The following WDR64 variants were observed in gnomAD, a reference collection of about 807,000 sequenced individuals.
WDR64 encodes WD repeat-containing protein 64.
A neutral mutation model predicts 139.3 loss-of-function variants in WDR64; 112 were observed. The ratio of observed to expected loss-of-function variants is 0.80; its 90% CI spans 0.69 to 0.94. The LOEUF is 0.94. WDR64 is among the 40% of genes least tolerant of loss of function. The pLI, the probability that WDR64 is intolerant of heterozygous loss-of-function variation, is 0.00. For missense variants in WDR64, 1,206 were observed against 1,293.1 expected (o/e 0.93, Z 1.03); for synonymous variants, 444 against 437.7 (o/e 1.01, Z -0.18).
intron 9 of WDR64, 125 bp from the exon 10 acceptor site, chr1:241,723,172 A>G: frequency 7.9e-7 from 1 of 1,261,006 alleles, no homozygotes; most frequent in Non-Finnish European, 1.1e-6. Flanking sequence ...AGAATAATGC[A>G]TCCTGCCAGA....
chr1:241,664,752 C>G (rs974461342), intron 2 of WDR64, among the ~76,000 whole-genome samples: 1 of 151,508 alleles, frequency 6.6e-6, no homozygotes, highest in Non-Finnish European at 1.5e-5. Context: ...ACAATAGCCA[C>G]GCAATGTAGA....
rs541446811 is a variant in WDR64 at position 241,703,618 on chromosome 1, G to A, written c.975-8184G>A. The stretch of plus-strand genomic sequence containing the variant: ...CCGGGAAGTGGTTATTGTTAATCAG[G>A]TATTTGTCCCTTAAGGATATTCAAA... On this transcript the variant is annotated intron_variant, in intron 8 of 27. Transcript: ENST00000437684. The surrounding 1 kb of genome is among the most constrained non-coding windows in gnomAD (Gnocchi z 5.9). Among the ~76,000 whole-genome samples, 99 of 152,164 alleles carry A rather than the reference G, an allele frequency of 6.5e-4. 2 individuals carry two copies. The highest frequency in any genetic ancestry group is 2.3e-3 in the African/African-American group (95 of 41,514).
intron 10 of WDR64, among the ~76,000 whole-genome samples, chr1:241,736,463 T>G (rs1056125130): frequency 2.0e-5 from 3 of 148,242 alleles, no homozygotes; most frequent in Non-Finnish European, 4.4e-5. Context: ...AGAGAAGGCC[T>G]TTGAGAGGAA....
intron 1 of WDR64, among the ~76,000 whole-genome samples, chr1:241,655,018 A>G (rs1321873827): frequency 6.6e-6 from 1 of 152,222 alleles, no homozygotes; most frequent in Non-Finnish European, 1.5e-5. Flanking sequence ...TGGATAATGG[A>G]TACTCAAACT....
chr1:241,686,169 A>G (rs1399108617), intron 7 of WDR64, among the ~76,000 whole-genome samples: 2 of 152,184 alleles, frequency 1.3e-5, no homozygotes, highest in Non-Finnish European at 2.9e-5. Context: ...ATTTTCTTAC[A>G]CCAAGAGATC....
At chr1:241,800,132 T>C (rs2148337531) in intron 27 of WDR64, among the ~76,000 whole-genome samples, 1 of 152,280 alleles carries the variant, frequency 6.6e-6, no homozygotes, top group South Asian at 2.1e-4. Context: ...AAAAGAAAGA[T>C]CTGTGCAGCT....
intron 10 of WDR64, among the ~76,000 whole-genome samples, chr1:241,728,093 G>A (rs2148211911): frequency 6.6e-6 from 1 of 152,262 alleles, no homozygotes; most frequent in African/African-American, 2.4e-5. Flanking sequence ...AGCACTTTGG[G>A]AGGCTGAGGT....
chr1:241,724,130 T>C (rs561066025), intron 10 of WDR64, among the ~76,000 whole-genome samples: 1 of 152,210 alleles, frequency 6.6e-6, no homozygotes, highest in South Asian at 2.1e-4. Context: ...ACTATGAAGT[T>C]TTACTGTGTT....
At chr1:241,793,295 G>A (rs190793444) in intron 25 of WDR64, among the ~76,000 whole-genome samples, 9 of 152,326 alleles carry the variant, frequency 5.9e-5, no homozygotes, top group African/African-American at 1.4e-4. Flanking sequence ...AGATGAGCAG[G>A]AGTGAGGTGA....
chr1:241,740,899 T>C (rs4129441), intron 11 of WDR64, among the ~76,000 whole-genome samples: 31,202 of 152,174 alleles, frequency 0.21, 3,941 homozygotes, highest in Middle Eastern at 0.34. Context: ...TTGATACTTA[T>C]ATCATACTTA....
chr1:241,717,466 T>C (rs1046708443), intron 9 of WDR64, among the ~76,000 whole-genome samples: 2 of 152,116 alleles, frequency 1.3e-5, no homozygotes, highest in African/African-American at 4.8e-5. Flanking sequence ...TCTCTCCTGC[T>C]TTTTTGTGTG....
At chr1:241,720,838 C>T (rs1668582039) in intron 9 of WDR64, among the ~76,000 whole-genome samples, 1 of 152,112 alleles carries the variant, frequency 6.6e-6, no homozygotes, top group Non-Finnish European at 1.5e-5. Context: ...GTTGCCATTG[C>T]CTTTGGTGTT....
chr1:241,754,744 C>G (rs934309032), intron 14 of WDR64, among the ~76,000 whole-genome samples: 2 of 152,044 alleles, frequency 1.3e-5, no homozygotes, highest in Non-Finnish European at 2.9e-5. Flanking sequence ...TGACAGGCCC[C>G]AGTGTGTGAT....
chr1:241,664,583 AT>A (rs67118111), intron 2 of WDR64, among the ~76,000 whole-genome samples: 101,886 of 151,818 alleles, frequency 0.67, 34,859 homozygotes, highest in Non-Finnish European at 0.75. Flanking sequence ...AGTAAATCAG[AT>A]TTTTTTTTGT....
At chr1:241,677,016 T>C (rs1474460294) in intron 4 of WDR64, among the ~76,000 whole-genome samples, 1 of 151,938 alleles carries the variant, frequency 6.6e-6, no homozygotes, top group Non-Finnish European at 1.5e-5. Context: ...TATTCAAAGG[T>C]AGCCATTAAC....
At chr1:241,748,805 T>C (rs1553375764) in intron 13 of WDR64, among the ~76,000 whole-genome samples, 1 of 150,062 alleles carries the variant, frequency 6.7e-6, no homozygotes, top group Non-Finnish European at 1.5e-5. Flanking sequence ...CCGGGTGTGG[T>C]GGTGGGCGCC....
At chr1:241,779,483 A>C (rs1658772151) in intron 21 of WDR64, among the ~76,000 whole-genome samples, 2 of 152,168 alleles carry the variant, frequency 1.3e-5, no homozygotes, top group South Asian at 4.1e-4. Flanking sequence ...TGGGTGAAGC[A>C]ATCTCATTAA....
At chr1:241,719,787 TTTA>T (rs1668537229) in intron 9 of WDR64, among the ~76,000 whole-genome samples, 1 of 152,182 alleles carries the variant, frequency 6.6e-6, no homozygotes, top group Non-Finnish European at 1.5e-5. Context: ...TAAAAATTTA[TTTA>T]TTTTCTTTTT....
intron 2 of WDR64, among the ~76,000 whole-genome samples, chr1:241,666,277 C>A (rs538606473): frequency 3.9e-5 from 6 of 152,230 alleles, no homozygotes; most frequent in Admixed American, 2.6e-4. Context: ...ACAGGAGAAA[C>A]GGGTATTTGC....
Sources: gnomAD v4.1 joint callset for allele counts (sites outside exome capture counted in the v4.1 genomes callset) on GRCh38, gnomAD v4.1.1 for gene constraint, Gnocchi (gnomAD v3.1) non-coding constraint, MANE v1.5 for transcripts, NCBI Gene and HGNC (gene_info 2026-07-23, HGNC 2026-07-21) for gene names.